SNX29: variants seen among roughly 807,000 people sequenced by gnomAD.
The protein encoded by SNX29 is sorting nexin-29.
Under a neutral mutation model 102.1 loss-of-function variants are expected in SNX29, and 78 were observed. The ratio of observed to expected loss-of-function variants is 0.76; its 90% CI spans 0.64 to 0.92. SNX29 has a LOEUF of 0.92. SNX29 is among the 40% of genes least tolerant of loss of function. The pLI, the probability that SNX29 is intolerant of heterozygous loss-of-function variation, is 0.00. For missense variants in SNX29, 1,280 were observed against 1,061.7 expected (o/e 1.21, Z -2.86); for synonymous variants, 580 against 414.5 (o/e 1.40, Z -4.85).
intron 19 of SNX29, among the ~76,000 whole-genome samples, chr16:12,495,784 TG>T (rs2088790386): frequency 6.6e-6 from 1 of 152,248 alleles, no homozygotes; most frequent in East Asian, 1.9e-4. Flanking sequence ...TTGGGCGTGG[TG>T]GCTCACGCCT....
intron 15 of SNX29, among the ~76,000 whole-genome samples, chr16:12,338,284 C>T (rs1234770122): frequency 2.6e-5 from 4 of 152,064 alleles, no homozygotes; most frequent in African/African-American, 7.2e-5. Context: ...AACTCATGAG[C>T]CGTGGGGTTG....
chr16:12,391,693 T>A (rs1407380369), intron 16 of SNX29, among the ~76,000 whole-genome samples: 2 of 152,200 alleles, frequency 1.3e-5, no homozygotes, highest in African/African-American at 2.4e-5. Flanking sequence ...CATAGTAAAT[T>A]GCAGATGTCG....
At chr16:12,527,473 A>C in intron 20 of SNX29, 1 of 428,910 alleles carries the variant, frequency 2.3e-6, no homozygotes, top group Non-Finnish European at 4.4e-6. Flanking sequence ...TTTAGGATCC[A>C]AAAAGTCCAT....
rs556108817 is a variant in SNX29, at chr16:12,407,254, G to T, written c.2037+3725G>T. On this transcript the variant is annotated intron_variant, in intron 18 of 20. Coordinates refer to ENST00000566228, the MANE Select transcript of SNX29 (RefSeq NM_032167.5). ...ACTCTCTTACCTCTCATGTCCCTCT[G>T]ATCTTTCTTAGGAAAAACAGCAAGG... 6.4e-4 allele frequency among the ~76,000 whole-genome samples: 97 copies of T among 152,126 alleles called. 1 individual carries two copies. Among genetic ancestry groups the T allele is most frequent in the Admixed American group, 3.1e-3 (48 of 15,290 alleles).
intron 13 of SNX29, among the ~76,000 whole-genome samples, chr16:12,186,735 CT>C (rs1168644388): frequency 1.3e-5 from 2 of 152,192 alleles, no homozygotes; most frequent in African/African-American, 4.8e-5. Context: ...CTGGGTCCCT[CT>C]TCTGGCCAGT....
At chr16:12,145,216 ATTACCT>A (rs902952936) in intron 13 of SNX29, among the ~76,000 whole-genome samples, 2 of 150,790 alleles carry the variant, frequency 1.3e-5, no homozygotes, top group Admixed American at 6.6e-5. Flanking sequence ...AAAAAAAAAA[ATTACCT>A]TTAAATTGTG....
At chr16:12,132,162 G>A (rs1246315619) in intron 13 of SNX29, among the ~76,000 whole-genome samples, 1 of 150,540 alleles carries the variant, frequency 6.6e-6, no homozygotes, top group Non-Finnish European at 1.5e-5. Flanking sequence ...GCAGTGGCAT[G>A]ATCTCGGCTC....
intron 20 of SNX29, among the ~76,000 whole-genome samples, chr16:12,550,873 A>C (rs1315256802): frequency 6.6e-6 from 1 of 152,210 alleles, no homozygotes; most frequent in Non-Finnish European, 1.5e-5. Flanking sequence ...ACTTTCTGGG[A>C]GGAAACCTGT....
At chr16:12,555,742 C>T (rs984103803) in intron 20 of SNX29, among the ~76,000 whole-genome samples, 1 of 152,068 alleles carries the variant, frequency 6.6e-6, no homozygotes, top group Admixed American at 6.5e-5. Context: ...CCTTCCACCT[C>T]CCCACAACTC....
chr16:12,095,714 C>CT (rs1313499123), intron 11 of SNX29, among the ~76,000 whole-genome samples: 2 of 152,058 alleles, frequency 1.3e-5, no homozygotes, highest in African/African-American at 2.4e-5. Context: ...CTTCTTGCCC[C>CT]TTTTTTTGGG....
At chr16:12,453,392 G>A (rs557206968) in intron 18 of SNX29, among the ~76,000 whole-genome samples, 31 of 152,350 alleles carry the variant, frequency 2.0e-4, no homozygotes, top group Admixed American at 5.2e-4. Flanking sequence ...CTTACTGGCG[G>A]TGTGACCCTG....
chr16:12,429,658 A>G (rs895154272), intron 18 of SNX29, among the ~76,000 whole-genome samples: 1 of 152,176 alleles, frequency 6.6e-6, no homozygotes, highest in African/African-American at 2.4e-5. Context: ...ACAGTGTTCC[A>G]CCATCACGCT....
chr16:12,084,920 A>G (rs1596818849), intron 11 of SNX29, among the ~76,000 whole-genome samples: 1 of 152,006 alleles, frequency 6.6e-6, no homozygotes, highest in Non-Finnish European at 1.5e-5. Context: ...AATAAAAAAA[A>G]TTACCTGGAT....
At chr16:12,157,567 T>C (rs750723722) in intron 13 of SNX29, among the ~76,000 whole-genome samples, 13 of 152,330 alleles carry the variant, frequency 8.5e-5, no homozygotes, top group African/African-American at 2.4e-4. Context: ...AAGGGTCTTA[T>C]GCCTTTACAT....
At chr16:12,476,905 C>A (rs1247865010) in intron 18 of SNX29, among the ~76,000 whole-genome samples, 1 of 152,168 alleles carries the variant, frequency 6.6e-6, no homozygotes. Flanking sequence ...TATTGACACT[C>A]ATGGAGTGTA....
chr16:12,256,414 G>C (rs1178931200), intron 14 of SNX29, among the ~76,000 whole-genome samples: 3 of 152,094 alleles, frequency 2.0e-5, no homozygotes, highest in Non-Finnish European at 4.4e-5. Flanking sequence ...TGCAACCTCT[G>C]CCTCCCTGGT....
In SNX29 at chr16:12,571,512, G is replaced by A. The variant is rs1316438493; in HGVS notation, c.*2883G>A. On this transcript the variant is annotated 3_prime_UTR_variant, in exon 21 of 21. Transcript: ENST00000566228. ...AACGAGGGTGGCCCACCTCTCAAGG[G>A]CCTTGGATTCCTGGGACCACCCTTT... The A allele has an allele frequency of 3.1e-5, 19 of 616,226 alleles. No individual in the cohort carries two copies. The highest frequency in any genetic ancestry group is 4.0e-5 in the Non-Finnish European group (19 of 469,396). The allele number at this position is 616,226 out of a possible 1,614,324, so 38.2% of individuals were successfully genotyped here. A position where few individuals can be genotyped will look rare whatever the true frequency, so the allele number is the denominator to read the frequency against.
At chr16:12,408,343 C>T (rs1197697454) in intron 18 of SNX29, among the ~76,000 whole-genome samples, 2 of 152,216 alleles carry the variant, frequency 1.3e-5, no homozygotes, top group Non-Finnish European at 1.5e-5. Context: ...CTCTCTGGGT[C>T]CACTGTGGTG....
At chr16:12,184,073 A>G (rs143595735) in intron 13 of SNX29, among the ~76,000 whole-genome samples, 1 of 152,178 alleles carries the variant, frequency 6.6e-6, no homozygotes, top group Non-Finnish European at 1.5e-5. Flanking sequence ...TACTTTCTTA[A>G]TAAACTTGAT....
Sources: gnomAD v4.1 joint callset for allele counts (sites outside exome capture counted in the v4.1 genomes callset) on GRCh38, gnomAD v4.1.1 for gene constraint, MANE v1.5 for transcripts, NCBI Gene and HGNC (gene_info 2026-07-23, HGNC 2026-07-21) for gene names.